The following TBC1D1 variants were observed in gnomAD, a reference collection of about 807,000 sequenced individuals.
TBC1D1 encodes the protein TBC1 (tre-2/USP6, BUB2, cdc16) domain family, member 1.
A neutral mutation model predicts 125.6 loss-of-function variants in TBC1D1; 89 were observed. That is an observed-to-expected ratio of 0.71 (90% CI 0.60 to 0.85). The LOEUF is 0.85. TBC1D1 is among the 40% of genes least tolerant of loss of function. The pLI is 0.00. For missense variants in TBC1D1, 1,377 were observed against 1,469.2 expected, an observed-to-expected ratio of 0.94 and a Z score of 1.03; for synonymous variants, 565 against 564.1, an observed-to-expected ratio of 1.00 and a Z score of -0.02.
intron 12 of TBC1D1, among the ~76,000 whole-genome samples, chr4:38,085,030 G>A (rs564322532): frequency 8.5e-5 from 13 of 152,312 alleles, no homozygotes; most frequent in East Asian, 1.9e-4. Flanking sequence ...TGGTGTGCAC[G>A]TTGCTTTTTG....
intron 2 of TBC1D1, among the ~76,000 whole-genome samples, chr4:37,970,240 AAT>A (rs1429286563): frequency 1.3e-5 from 2 of 152,192 alleles, no homozygotes; most frequent in Non-Finnish European, 2.9e-5. Flanking sequence ...ATATGTTTTC[AAT>A]TTATGCAGAG....
At chr4:38,021,522 A>G (rs1744023604) in intron 5 of TBC1D1, 64 bp from the exon 6 acceptor site, 3 of 1,400,564 alleles carry the variant, frequency 2.1e-6, no homozygotes, top group Admixed American at 3.2e-5. Flanking sequence ...ATTTTCTGAC[A>G]TCTCAGCCCA....
At chr4:38,073,363 A>G (rs1755032764) in intron 12 of TBC1D1, among the ~76,000 whole-genome samples, 1 of 152,252 alleles carries the variant, frequency 6.6e-6, no homozygotes, top group Admixed American at 6.5e-5. Context: ...TTAGAACAGT[A>G]TCCCTCCTTT....
intron 2 of TBC1D1, among the ~76,000 whole-genome samples, chr4:37,993,093 C>A (rs866036246): frequency 1.3e-5 from 2 of 152,112 alleles, no homozygotes; most frequent in Non-Finnish European, 2.9e-5. Flanking sequence ...CGTGAGCCAC[C>A]GCGCCCGGCC....
intron 13 of TBC1D1, among the ~76,000 whole-genome samples, chr4:38,091,017 A>G (rs1295777903): frequency 1.3e-5 from 2 of 152,238 alleles, no homozygotes; most frequent in African/African-American, 4.8e-5. Flanking sequence ...AATGTGTTGC[A>G]TCTGTGAGTT....
chr4:38,122,349 G>T (rs898657290), intron 17 of TBC1D1, among the ~76,000 whole-genome samples: 10 of 152,186 alleles, frequency 6.6e-5, no homozygotes, highest in African/African-American at 2.2e-4. Context: ...TGCTTGGCTG[G>T]GGCAGAGGCC....
chr4:37,913,558 C>A (rs188111175), intron 2 of TBC1D1, among the ~76,000 whole-genome samples: 1 of 151,902 alleles, frequency 6.6e-6, no homozygotes, highest in East Asian at 1.9e-4. Flanking sequence ...GAGATCACAC[C>A]ATTGCACTCC....
At chr4:37,906,980 A>G (rs577339184) in intron 2 of TBC1D1, among the ~76,000 whole-genome samples, 1 of 152,380 alleles carries the variant, frequency 6.6e-6, no homozygotes, top group South Asian at 2.1e-4. Flanking sequence ...AAAGATATTA[A>G]TTTGTTAAAA....
At position 38,119,962 on chromosome 4, in the gene TBC1D1, T is replaced by G. The variant is rs1763580221; in HGVS notation, c.2962+1770T>G. The stretch of plus-strand genomic sequence containing the variant: ...GTTCTGGGGCTCTGGAAGAGAAATT[T>G]TTCCTTCGGCTCATAAATGGGTAAA... On this transcript the variant is annotated intron_variant, in intron 17 of 19. Transcript: ENST00000261439. The G allele has an allele frequency of 1.4e-5, 14 of 985,290 alleles. No individual in the cohort carries two copies. In the South Asian group the frequency reaches 4.7e-4, roughly 33 times the overall value. The allele number at this position is 985,290 out of a possible 1,614,324, so 61.0% of individuals were successfully genotyped here.
intron 15 of TBC1D1, among the ~76,000 whole-genome samples, chr4:38,115,324 A>T (rs1762812629): frequency 6.6e-6 from 1 of 151,624 alleles, no homozygotes; most frequent in African/African-American, 2.4e-5. Context: ...CTGGTCTCGA[A>T]CTCCTGACCT....
intron 12 of TBC1D1, among the ~76,000 whole-genome samples, chr4:38,070,819 TTCTA>T (rs1754580174): frequency 6.6e-6 from 1 of 152,186 alleles, no homozygotes; most frequent in African/African-American, 2.4e-5. Context: ...AAAAACTAAT[TTCTA>T]ATTAAGGGAG....
Position 38,120,214 on chromosome 4 carries a change from C to T in TBC1D1, c.2962+2022C>T, listed in dbSNP as rs900543271. 4.3e-6 allele frequency: 3 copies of T among 697,500 alleles called. No homozygotes were observed. In the Admixed American group the frequency reaches 1.9e-4, roughly 44 times the overall value. The allele number at this position is 697,500 out of a possible 1,614,324, so 43.2% of individuals were successfully genotyped here. ...CTACATCATTCCTGGATCCCACAGA[C>T]TCCTGCTGTGCTAAGTGGGTCGTTG... On this transcript the variant is annotated intron_variant, in intron 17 of 19. Transcript: ENST00000261439.
At chr4:38,040,750 C>T (rs774003764) in intron 8 of TBC1D1, among the ~76,000 whole-genome samples, 4 of 152,214 alleles carry the variant, frequency 2.6e-5, no homozygotes, top group Non-Finnish European at 5.9e-5. Flanking sequence ...ACTCTGGAGG[C>T]TGCCTCGAGC....
At chr4:38,037,252 A>C (rs1281842117) in intron 8 of TBC1D1, among the ~76,000 whole-genome samples, 1 of 151,892 alleles carries the variant, frequency 6.6e-6, no homozygotes. Flanking sequence ...GGCATAGATC[A>C]TCCAATGGAG....
Position 38,118,136 on chromosome 4 carries a change from G to C in TBC1D1, c.2906G>C (p.Trp969Ser). 6.2e-7 allele frequency: 1 copy of C among 1,614,156 alleles called. No homozygotes were observed. The highest frequency in any genetic ancestry group is 8.5e-7 in the Non-Finnish European group (1 of 1,180,028). ...GGCCCCAGCCTCTACGCTGCCCCCTGGTTCCTCACCATGTTTGCCTCACAG... is the reference window on the plus strand; with the variant it reads ...GGCCCCAGCCTCTACGCTGCCCCCTCGTTCCTCACCATGTTTGCCTCACAG... The change falls in exon 17 of 20, where the codon TGG (tryptophan) becomes TCG (serine). Residue 969 changes from tryptophan to serine, a missense_variant. Around this residue, in one of 3 missense-constraint regions of TBC1D1, gnomAD observed 543 missense variants for 613.5 expected, o/e 0.89. Transcript: ENST00000261439.
At chr4:37,920,391 G>A (rs1321435410) in intron 2 of TBC1D1, among the ~76,000 whole-genome samples, 1 of 152,186 alleles carries the variant, frequency 6.6e-6, no homozygotes, top group African/African-American at 2.4e-5. Context: ...CTTTAAGGAG[G>A]AATAAGAACC....
intron 19 of TBC1D1, among the ~76,000 whole-genome samples, chr4:38,135,783 A>G (rs1404419373): frequency 6.6e-6 from 1 of 151,970 alleles, no homozygotes; most frequent in African/African-American, 2.4e-5. Context: ...CGAGTCATGA[A>G]TTTTCTGGCA....
chr4:37,906,973 G>T (rs1304987656), intron 2 of TBC1D1, among the ~76,000 whole-genome samples: 2 of 152,188 alleles, frequency 1.3e-5, no homozygotes, highest in Non-Finnish European at 1.5e-5. Context: ...ATATTGTAAA[G>T]ATATTAATTT....
At chr4:38,032,600 A>G (rs572223843) in intron 7 of TBC1D1, among the ~76,000 whole-genome samples, 20 of 152,238 alleles carry the variant, frequency 1.3e-4, no homozygotes, top group African/African-American at 3.6e-4. Context: ...TTTGGGAGGC[A>G]GAGGTGGGTG....
Sources: gnomAD v4.1 joint callset for allele counts (sites outside exome capture counted in the v4.1 genomes callset) on GRCh38, gnomAD v4.1.1 for gene constraint, gnomAD v4.1.1 regional missense constraint, MANE v1.5 for transcripts, NCBI Gene and HGNC (gene_info 2026-07-23, HGNC 2026-07-21) for gene names.